The following DIP2C variants were observed in gnomAD, a reference collection of about 807,000 sequenced individuals.
DIP2C encodes the protein disco-interacting protein 2 homolog C.
A neutral mutation model predicts 192.4 loss-of-function variants in DIP2C; 33 were observed. The observed-to-expected ratio is 0.17, with a 90% CI of 0.13 to 0.23. The LOEUF (loss-of-function observed/expected upper bound fraction) is 0.23, where lower values mean the gene tolerates loss of function less well. DIP2C is among the 10% of genes least tolerant of loss of function. The pLI, the probability that DIP2C is intolerant of heterozygous loss-of-function variation, is 1.00. For missense variants in DIP2C, 1,537 were observed against 2,110.1 expected, an observed-to-expected ratio of 0.73 and a Z score of 5.32; for synonymous variants, 979 against 864.1, an observed-to-expected ratio of 1.13 and a Z score of -2.33.
intron 1 of DIP2C, among the ~76,000 whole-genome samples, chr10:610,644 G>A (rs914621464): frequency 2.0e-5 from 3 of 152,268 alleles, no homozygotes; most frequent in Non-Finnish European, 4.4e-5. Flanking sequence ...CGGGGAGCCA[G>A]ACATGGTGTG....
chr10:576,942 G>A (rs1269521094), intron 1 of DIP2C, among the ~76,000 whole-genome samples: 1 of 152,038 alleles, frequency 6.6e-6, no homozygotes, highest in East Asian at 1.9e-4. Flanking sequence ...AAGAGGGCAA[G>A]ATGAAAACTA....
chr10:548,519 G>GAGGGAGGCAGGCAGGC (rs1485015479), intron 1 of DIP2C, among the ~76,000 whole-genome samples: 1 of 110,582 alleles, frequency 9.0e-6, no homozygotes, highest in African/African-American at 5.1e-5. Context: ...GGGAGGGAGG[G>GAGGGAGGCAGGCAGGC]AGGCAGGCAG....
intron 8 of DIP2C, among the ~76,000 whole-genome samples, chr10:413,185 A>G (rs1965296397): frequency 6.6e-6 from 1 of 152,168 alleles, no homozygotes; most frequent in Non-Finnish European, 1.5e-5. Flanking sequence ...AAATAGCCTG[A>G]CAATCTGCCC....
intron 1 of DIP2C, among the ~76,000 whole-genome samples, chr10:493,649 G>A (rs952553096): frequency 1.3e-5 from 2 of 152,210 alleles, no homozygotes; most frequent in Non-Finnish European, 2.9e-5. Flanking sequence ...GACAGACAGA[G>A]GGAGAGACCC....
intron 13 of DIP2C, among the ~76,000 whole-genome samples, chr10:388,511 C>T (rs1963169769): frequency 6.6e-6 from 1 of 152,184 alleles, no homozygotes; most frequent in Admixed American, 6.5e-5. Context: ...GAGGCTTTCA[C>T]AATAAATGGC....
At chr10:573,511 C>T (rs539999220) in intron 1 of DIP2C, among the ~76,000 whole-genome samples, 1 of 152,164 alleles carries the variant, frequency 6.6e-6, no homozygotes, top group Non-Finnish European at 1.5e-5. Context: ...CAGGCTCAAG[C>T]GATTCTCTTA....
intron 1 of DIP2C, among the ~76,000 whole-genome samples, chr10:587,389 C>A (rs1034633723): frequency 6.6e-6 from 1 of 152,222 alleles, no homozygotes; most frequent in Admixed American, 6.5e-5. Flanking sequence ...CGGGATCACA[C>A]ACAGGAACAG....
chr10:462,289 CAAAG>C (rs1969850002), intron 3 of DIP2C, among the ~76,000 whole-genome samples: 1 of 151,278 alleles, frequency 6.6e-6, no homozygotes, highest in African/African-American at 2.4e-5. Flanking sequence ...ACTAGCCAGA[CAAAG>C]AAGAAAAGAG....
chr10:423,937 T>G (rs1966392004), intron 4 of DIP2C, among the ~76,000 whole-genome samples: 1 of 152,250 alleles, frequency 6.6e-6, no homozygotes, highest in Non-Finnish European at 1.5e-5. Flanking sequence ...TTATTGATTT[T>G]TCTATCTGTG....
chr10:469,815 A>G (rs903204200), intron 3 of DIP2C, among the ~76,000 whole-genome samples: 2 of 152,202 alleles, frequency 1.3e-5, no homozygotes, highest in Non-Finnish European at 2.9e-5. Flanking sequence ...GTGATGCACA[A>G]GATGCTATAA....
intron 1 of DIP2C, among the ~76,000 whole-genome samples, chr10:490,169 C>T (rs1271891604): frequency 1.4e-5 from 2 of 146,856 alleles, no homozygotes; most frequent in East Asian, 4.1e-4. Flanking sequence ...CCGAGCCTTC[C>T]TCCATTTCAC....
chr10:578,454 G>T (rs898946109), intron 1 of DIP2C, among the ~76,000 whole-genome samples: 42 of 152,298 alleles, frequency 2.8e-4, no homozygotes, highest in Admixed American at 7.8e-4. Context: ...CCAAGTCCCT[G>T]TTGTTTCGTT....
intron 1 of DIP2C, among the ~76,000 whole-genome samples, chr10:540,439 A>G (rs1847916509): frequency 6.6e-6 from 1 of 152,222 alleles, no homozygotes; most frequent in African/African-American, 2.4e-5. Context: ...TACACTGGGA[A>G]CCAGAGAGCA....
intron 1 of DIP2C, among the ~76,000 whole-genome samples, chr10:532,255 G>T (rs1013838590): frequency 1.3e-5 from 2 of 152,064 alleles, no homozygotes; most frequent in South Asian, 4.2e-4. Flanking sequence ...CTCATGTCCC[G>T]GAAAGCCCTG....
chr10:433,772 T>C (rs1380301459), intron 4 of DIP2C, among the ~76,000 whole-genome samples: 6 of 152,224 alleles, frequency 3.9e-5, no homozygotes, highest in African/African-American at 1.2e-4. Flanking sequence ...ATATCTAAAG[T>C]AGATTTCTTA....
At chr10:522,058 C>T (rs1846743759) in intron 1 of DIP2C, among the ~76,000 whole-genome samples, 1 of 152,058 alleles carries the variant, frequency 6.6e-6, no homozygotes, top group South Asian at 2.1e-4. Context: ...GCTTCCCCAC[C>T]CTAAACAGCC....
intron 2 of DIP2C, among the ~76,000 whole-genome samples, chr10:479,756 T>A (rs950185769): frequency 1.3e-5 from 2 of 152,338 alleles, no homozygotes; most frequent in South Asian, 2.1e-4. Flanking sequence ...ACTCATACAC[T>A]GGAAATTGTC....
At chr10:329,939 A>C (rs933820941) in intron 29 of DIP2C, among the ~76,000 whole-genome samples, 1 of 152,174 alleles carries the variant, frequency 6.6e-6, no homozygotes, top group Non-Finnish European at 1.5e-5. Context: ...ACAGGGATCA[A>C]ATTTCGGTTT....
rs1412347253 is a variant in DIP2C, at chr10:503,953, T to G, written c.86-17423A>C. Among the ~76,000 whole-genome samples the G allele has an allele frequency of 3.3e-5, 5 of 152,326 alleles. No individual in the cohort carries two copies. In the East Asian group the frequency reaches 9.6e-4, roughly 29 times the overall value. Reference sequence around the variant, plus strand: ...CAAAGACTCATTTCCACAGTAATTATTTTACTCAGAAATTAAATTCCAGAT... The same window carrying G: ...CAAAGACTCATTTCCACAGTAATTAGTTTACTCAGAAATTAAATTCCAGAT... On this transcript the variant is annotated intron_variant, in intron 1 of 36. Coordinates refer to ENST00000280886, the MANE Select transcript of DIP2C (RefSeq NM_014974.3).
Sources: gnomAD v4.1 joint callset for allele counts (sites outside exome capture counted in the v4.1 genomes callset) on GRCh38, gnomAD v4.1.1 for gene constraint, MANE v1.5 for transcripts, NCBI Gene and HGNC (gene_info 2026-07-23, HGNC 2026-07-21) for gene names.